The following CPHXL2 variants were observed in gnomAD, a reference collection of about 807,000 sequenced individuals.
The protein encoded by CPHXL2 is cytoplasmic polyadenylated homeobox-like protein 2.
chr16:75,663,678 T>C, the CPHXL2 span, among the ~76,000 whole-genome samples: 1 of 151,960 alleles, frequency 6.6e-6, no homozygotes, highest in South Asian at 2.1e-4. Flanking sequence ...GGTCAGGAGA[T>C]TGAGACCATA....
At chr16:75,661,409 C>G in the CPHXL2 span, among the ~76,000 whole-genome samples, 1 of 152,128 alleles carries the variant, frequency 6.6e-6, no homozygotes, top group Non-Finnish European at 1.5e-5. Context: ...AAGACAATCT[C>G]CCTAGAACTG....
chr16:75,660,268 C>T, the CPHXL2 span: 37 of 398,254 alleles, frequency 9.3e-5, no homozygotes, highest in East Asian at 1.3e-3. Context: ...CAATACTTTG[C>T]AAAGCTGCAT....
the CPHXL2 span, among the ~76,000 whole-genome samples, chr16:75,667,901 C>T: frequency 2.0e-5 from 3 of 152,224 alleles, no homozygotes; most frequent in Non-Finnish European, 1.5e-5. Flanking sequence ...TTAAGTCAAG[C>T]ATCCAAGTAA....
the CPHXL2 span, among the ~76,000 whole-genome samples, chr16:75,673,979 TAAA>T: frequency 3.3e-5 from 3 of 90,518 alleles, no homozygotes; most frequent in African/African-American, 8.4e-5. Context: ...GATCTCGTCT[TAAA>T]AAAAAAAAAA....
At chr16:75,660,569 C>G in the CPHXL2 span, 1 of 398,620 alleles carries the variant, frequency 2.5e-6, no homozygotes, top group Non-Finnish European at 4.4e-6. Context: ...CTGAGTAATT[C>G]TGAGGCTGTT....
the CPHXL2 span, chr16:75,669,379 G>A: frequency 1.4e-4 from 58 of 400,234 alleles, no homozygotes; most frequent in South Asian, 2.5e-4. Flanking sequence ...CACGTTAACC[G>A]GACAATCAAA....
chr16:75,660,736 T>C, the CPHXL2 span: 6 of 398,554 alleles, frequency 1.5e-5, no homozygotes, highest in East Asian at 1.8e-4. Flanking sequence ...CTGGTTTCAG[T>C]CCTTTCTCCA....
At chr16:75,666,589 CAA>C in the CPHXL2 span, among the ~76,000 whole-genome samples, 1 of 76,322 alleles carries the variant, frequency 1.3e-5, no homozygotes, top group Admixed American at 2.1e-4. Flanking sequence ...GCCTGGGCAA[CAA>C]GAGTGAAACT....
At chr16:75,660,744 C>G in the CPHXL2 span, 1 of 398,536 alleles carries the variant, frequency 2.5e-6, no homozygotes. Flanking sequence ...AGTCCTTTCT[C>G]CATGAAAATA....
At chr16:75,669,930 T>TTTTA in the CPHXL2 span, among the ~76,000 whole-genome samples, 3 of 152,192 alleles carry the variant, frequency 2.0e-5, no homozygotes, top group South Asian at 4.1e-4. Context: ...AGAATTTATC[T>TTTTA]TTTATTTATT....
At chr16:75,669,327 A>AAT in the CPHXL2 span, 4 of 400,104 alleles carry the variant, frequency 1.0e-5, no homozygotes, top group Non-Finnish European at 1.8e-5. Flanking sequence ...AAAAAAAAAA[A>AAT]AAATCTAAGA....
chr16:75,660,498 T>C, the CPHXL2 span: 7 of 398,666 alleles, frequency 1.8e-5, no homozygotes, highest in Non-Finnish European at 3.1e-5. Flanking sequence ...CGAGGGCCAC[T>C]GCTTCTCTAG....
the CPHXL2 span, among the ~76,000 whole-genome samples, chr16:75,665,852 A>G: frequency 2.0e-5 from 3 of 152,080 alleles, no homozygotes; most frequent in Non-Finnish European, 1.5e-5. Flanking sequence ...GCAACAGAGC[A>G]AGACTCTGTC....
At chr16:75,675,945 G>T in the CPHXL2 span, among the ~76,000 whole-genome samples, 1 of 152,108 alleles carries the variant, frequency 6.6e-6, no homozygotes, top group African/African-American at 2.4e-5. Context: ...TGGGTGTGGT[G>T]GTGGGCGTCT....
chr16:75,674,197 C>G, the CPHXL2 span, among the ~76,000 whole-genome samples: 1 of 150,690 alleles, frequency 6.6e-6, no homozygotes, highest in African/African-American at 2.4e-5. Flanking sequence ...CACAGTGAAA[C>G]CCCATCTCTA....
the CPHXL2 span, among the ~76,000 whole-genome samples, chr16:75,674,338 A>G: frequency 7.0e-6 from 1 of 142,488 alleles, no homozygotes; most frequent in African/African-American, 2.7e-5. Context: ...GCACCACTGC[A>G]CTCCAGCCTG....
At chr16:75,662,239 C>G in the CPHXL2 span, among the ~76,000 whole-genome samples, 2 of 151,828 alleles carry the variant, frequency 1.3e-5, no homozygotes, top group Non-Finnish European at 2.9e-5. Flanking sequence ...GCTTTCATGC[C>G]CTGCCTGGAC....
the CPHXL2 span, chr16:75,660,374 C>A: frequency 2.5e-6 from 1 of 398,584 alleles, no homozygotes; most frequent in Non-Finnish European, 4.4e-6. Context: ...GCATATCTTG[C>A]CCCAGAGGCA....
the CPHXL2 span, among the ~76,000 whole-genome samples, chr16:75,674,441 A>T: frequency 6.6e-6 from 1 of 151,908 alleles, no homozygotes; most frequent in African/African-American, 2.4e-5. Flanking sequence ...AATAAAATTA[A>T]AGTAGACCTA....
Sources: gnomAD v4.1 joint callset for allele counts (sites outside exome capture counted in the v4.1 genomes callset) on GRCh38, gnomAD v4.1.1 for gene constraint, MANE v1.5 for transcripts, NCBI Gene and HGNC (gene_info 2026-07-23, HGNC 2026-07-21) for gene names.